AKAP1: variants seen among roughly 807,000 people sequenced by gnomAD.
The protein encoded by AKAP1 is A-kinase anchoring protein 1.
A neutral mutation model predicts 79.8 loss-of-function variants in AKAP1; 32 were observed. That is an observed-to-expected ratio of 0.40 (90% CI 0.30 to 0.54). The LOEUF (loss-of-function observed/expected upper bound fraction) is 0.54, where lower values mean the gene tolerates loss of function less well. AKAP1 is among the 20% of genes least tolerant of loss of function. The pLI, the probability that AKAP1 is intolerant of heterozygous loss-of-function variation, is 0.47. For missense variants in AKAP1, 961 were observed against 1,138.9 expected, an observed-to-expected ratio of 0.84 and a Z score of 2.25; for synonymous variants, 416 against 466.7, an observed-to-expected ratio of 0.89 and a Z score of 1.40.
chr17:57,103,680 T>G (rs1440446031), intron 1 of AKAP1, among the ~76,000 whole-genome samples: 1 of 152,246 alleles, frequency 6.6e-6, no homozygotes, highest in East Asian at 1.9e-4. Flanking sequence ...GAAGGATTTT[T>G]GGTTTTAAAA....
At position 57,109,916 on chromosome 17, in the gene AKAP1, C is replaced by A. The variant is rs570811309; in HGVS notation, c.1715-109C>A. The A allele has an allele frequency of 2.1e-6, 3 of 1,414,602 alleles. No individual in the cohort carries two copies. The African/African-American group carries it at 4.3e-5, about 20-fold the overall frequency. The allele number at this position is 1,414,602 out of a possible 1,614,324, so 87.6% of individuals were successfully genotyped here. ...ACAGTCACCTGCCAAGCTTGAGGAG[C>A]GGGTGTGGGGCAGGGCCTCCTGGGA... On this transcript the variant is annotated intron_variant, in intron 2 of 10. Coordinates refer to ENST00000337714, the MANE Select transcript of AKAP1 (RefSeq NM_003488.4).
intron 1 of AKAP1, among the ~76,000 whole-genome samples, chr17:57,088,274 C>T (rs1298232034): frequency 6.6e-6 from 1 of 152,192 alleles, no homozygotes; most frequent in Non-Finnish European, 1.5e-5. Context: ...ACTGAAGGAA[C>T]CTCCTGGCCT....
Position 57,116,864 on chromosome 17 carries a change from G to C in AKAP1, c.2437G>C (p.Asp813His), listed in dbSNP as rs933125065. 6.2e-7 allele frequency: 1 copy of C among 1,614,170 alleles called. No individual in the cohort carries two copies. Among genetic ancestry groups the C allele is most frequent in the Admixed American group, 1.7e-5 (1 of 60,032 alleles). ...KVDVLRQIRS[D>H]FVTLPFQGAE... Reference sequence around the variant, plus strand: ...GTTCCTTTCTTGCCTTCCCAGGTCTGACTTTGTCACCCTGCCGTTTCAGGG... The same window carrying C: ...GTTCCTTTCTTGCCTTCCCAGGTCTCACTTTGTCACCCTGCCGTTTCAGGG... Residue 813 changes from aspartate (D) to histidine (H), a missense_variant, in exon 8 of 11, where the codon GAC becomes CAC. Coordinates refer to ENST00000337714, the MANE Select transcript of AKAP1 (RefSeq NM_003488.4).
chr17:57,111,652 C>G (rs1018659546), intron 3 of AKAP1, 146 bp from the exon 4 acceptor site: 1 of 1,015,810 alleles, frequency 9.8e-7, no homozygotes, highest in Admixed American at 2.3e-5. Context: ...AATGTAAGTG[C>G]TTAGAATAGT....
chr17:57,093,840 A>C (rs1281790404), intron 1 of AKAP1: 1 of 130,256 alleles, frequency 7.7e-6, no homozygotes, highest in Non-Finnish European at 1.6e-5. Context: ...TTTCTTTTTA[A>C]GGATTATTAT....
chr17:57,101,210 CTCTT>C (rs1428835139), intron 1 of AKAP1, among the ~76,000 whole-genome samples: 1 of 152,198 alleles, frequency 6.6e-6, no homozygotes, highest in Non-Finnish European at 1.5e-5. Flanking sequence ...CAGTGATTCT[CTCTT>C]TCTTCCCCCC....
intron 1 of AKAP1, among the ~76,000 whole-genome samples, chr17:57,097,387 C>T (rs566826449): frequency 7.0e-4 from 107 of 152,304 alleles, no homozygotes; most frequent in African/African-American, 2.5e-3. Context: ...GCAACTTAAA[C>T]ATATTTGAAT....
At position 57,105,793 on chromosome 17, in the gene AKAP1, T is replaced by C; in HGVS notation, c.329T>C (p.Ile110Thr). 6.2e-7 allele frequency: 1 copy of C among 1,614,176 alleles called. No homozygotes were observed. The highest frequency in any genetic ancestry group is 1.1e-5 in the South Asian group (1 of 91,078). ...TGCCGAAGATCAGAGTCCTCGGGCA[T>C]TCTTCCTAACACCACAGACATGAGA... is the stretch of plus-strand genomic sequence containing the variant. Reference protein sequence around the residue: ...PPCRRSESSGILPNTTDMRLR... With the variant: ...PPCRRSESSGTLPNTTDMRLR... The change falls in exon 2 of 11, where the codon ATT becomes ACT. Residue 110 changes from isoleucine (I) to threonine (T), a missense_variant. Around this residue, in one of 3 missense-constraint regions of AKAP1, gnomAD observed 108 missense variants for 147.6 expected, o/e 0.73. Transcript: ENST00000337714.
intron 1 of AKAP1, among the ~76,000 whole-genome samples, chr17:57,091,645 A>C (rs1020539257): frequency 2.0e-4 from 30 of 151,860 alleles, no homozygotes; most frequent in Admixed American, 7.9e-4. Context: ...CCAGCAGGCA[A>C]TTTTTCAGGA....
chr17:57,113,781 T>G (rs1915408374), intron 5 of AKAP1, among the ~76,000 whole-genome samples: 1 of 151,864 alleles, frequency 6.6e-6, no homozygotes, highest in South Asian at 2.1e-4. Flanking sequence ...TTGTATGTTT[T>G]TAGTAGAGAT....
rs1460501067 is a variant in AKAP1, at chr17:57,095,468, T to TC, written c.-24-9973_-24-9972insC. On this transcript the variant is annotated intron_variant, in intron 1 of 10. Coordinates refer to ENST00000337714, the MANE Select transcript of AKAP1 (RefSeq NM_003488.4). Reference sequence around the variant, plus strand: ...TACCGTGGTGGCCTGTTTGGGCTTTTTTTTTTTTTTTTTTTTTCTTCTGCC... The same window carrying TC: ...TACCGTGGTGGCCTGTTTGGGCTTTTCTTTTTTTTTTTTTTTTTCTTCTGCC... 2.0e-5 allele frequency: 3 copies of TC among 149,072 alleles called. No homozygotes were observed. In the East Asian group the frequency reaches 5.9e-4, roughly 29 times the overall value. 9.2% of individuals were successfully genotyped at this position (149,072 alleles called of 1,614,324 possible).
chr17:57,091,667 C>A (rs892591683), intron 1 of AKAP1, among the ~76,000 whole-genome samples: 2 of 148,106 alleles, frequency 1.4e-5, no homozygotes, highest in African/African-American at 2.5e-5. Context: ...ACCACATAAC[C>A]CCATTAAAAA....
Position 57,097,827 on chromosome 17 carries a change from G to C in AKAP1, c.-24-7614G>C, listed in dbSNP as rs1368737540. On this transcript the variant is annotated intron_variant, in intron 1 of 10. Transcript: ENST00000337714. ...AACGCAAAGTGGATGTGGCTTCACT[G>C]ACCAGGCCCAAGCCCACATTGGGCT... Among the ~76,000 whole-genome samples, 8 of 152,358 alleles carry C rather than the reference G, an allele frequency of 5.3e-5. No homozygotes were observed. The East Asian group carries it at 1.5e-3, about 29-fold the overall frequency.
At chr17:57,102,334 T>C (rs1009874965) in intron 1 of AKAP1, among the ~76,000 whole-genome samples, 1 of 152,178 alleles carries the variant, frequency 6.6e-6, no homozygotes, top group African/African-American at 2.4e-5. Context: ...AGAGCTATCA[T>C]AAGGCTCTCC....
chr17:57,118,535 T>G, intron 9 of AKAP1, 81 bp downstream of exon 9: 1 of 1,449,854 alleles, frequency 6.9e-7, no homozygotes. Context: ...TTCCTGTGGC[T>G]TGGCCCTGGA....
intron 2 of AKAP1, 107 bp downstream of exon 2, chr17:57,107,285 G>A (rs1302927503): frequency 6.8e-7 from 1 of 1,463,380 alleles, no homozygotes; most frequent in Non-Finnish European, 9.2e-7. Flanking sequence ...CAAAGTCATA[G>A]TGCTCTTCAG....
chr17:57,112,701 C>T, intron 5 of AKAP1, 83 bp downstream of exon 5: 1 of 1,517,950 alleles, frequency 6.6e-7, no homozygotes, highest in Non-Finnish European at 8.8e-7. Context: ...AGACCTCAGG[C>T]TAAGAAGGCC....
chr17:57,097,110 C>T (rs1367026976), intron 1 of AKAP1, among the ~76,000 whole-genome samples: 1 of 152,172 alleles, frequency 6.6e-6, no homozygotes, highest in African/African-American at 2.4e-5. Context: ...CACTTCAGCT[C>T]CTAGGATTTC....
At chr17:57,095,447 G>A (rs1466553178) in intron 1 of AKAP1, 2 of 150,006 alleles carry the variant, frequency 1.3e-5, no homozygotes, top group South Asian at 2.1e-4. Context: ...GTGAGCTACC[G>A]TGGTGGCCTG....
Sources: gnomAD v4.1 joint callset for allele counts (sites outside exome capture counted in the v4.1 genomes callset) on GRCh38, gnomAD v4.1.1 for gene constraint, gnomAD v4.1.1 regional missense constraint, MANE v1.5 for transcripts, NCBI Gene and HGNC (gene_info 2026-07-23, HGNC 2026-07-21) for gene names.